The following VWA8 variants were observed in gnomAD, a reference collection of about 807,000 sequenced individuals.
VWA8 encodes von Willebrand factor A domain containing 8.
A neutral mutation model predicts 241.5 loss-of-function variants in VWA8; 221 were observed. The observed-to-expected ratio is 0.91, with a 90% CI of 0.82 to 1.02. The LOEUF is 1.02. Among genes scored for constraint, VWA8 ranks in the 50% least tolerant of loss-of-function variants. The pLI is 0.00. For synonymous variants in VWA8, 852 were observed against 827.1 expected, an observed-to-expected ratio of 1.03 and a Z score of -0.52; for missense variants, 2,322 against 2,328.7, an observed-to-expected ratio of 1.00 and a Z score of 0.06.
intron 8 of VWA8, among the ~76,000 whole-genome samples, chr13:41,885,717 C>G (rs1223615218): frequency 6.6e-6 from 1 of 152,222 alleles, no homozygotes; most frequent in Non-Finnish European, 1.5e-5. Context: ...GCTCCTACTC[C>G]AAAGCTGAAA....
chr13:41,732,292 A>C (rs920437483), intron 21 of VWA8, 137 bp from the exon 22 acceptor site: 2 of 642,672 alleles, frequency 3.1e-6, no homozygotes, highest in Non-Finnish European at 2.6e-6. Context: ...CCAAAAAAAA[A>C]CAGCAAGTGA....
chr13:41,700,940 C>A (rs1259724601), intron 28 of VWA8, among the ~76,000 whole-genome samples: 1 of 152,168 alleles, frequency 6.6e-6, no homozygotes, highest in East Asian at 1.9e-4. Context: ...TAGGTAATGG[C>A]AACAGTCCAG....
chr13:41,921,086 C>T (rs1166702395), intron 2 of VWA8, among the ~76,000 whole-genome samples: 1 of 152,186 alleles, frequency 6.6e-6, no homozygotes, highest in Admixed American at 6.5e-5. Context: ...AGCTTATCCG[C>T]CATGATCAAG....
At chr13:41,579,808 C>G (rs569342473) in intron 42 of VWA8, among the ~76,000 whole-genome samples, 1 of 152,250 alleles carries the variant, frequency 6.6e-6, no homozygotes, top group South Asian at 2.1e-4. Flanking sequence ...GTTGGTTAAA[C>G]CCCAGGTTTT....
intron 12 of VWA8, among the ~76,000 whole-genome samples, chr13:41,833,903 T>A (rs1346720903): frequency 6.6e-6 from 1 of 152,236 alleles, no homozygotes; most frequent in Non-Finnish European, 1.5e-5. Flanking sequence ...ACTTTTATGG[T>A]GACCTAACCA....
intron 39 of VWA8, 49 bp from the exon 40 acceptor site, chr13:41,605,325 T>C: frequency 6.3e-7 from 1 of 1,583,608 alleles, no homozygotes; most frequent in Non-Finnish European, 8.6e-7. Flanking sequence ...CACGTATATG[T>C]GGGTTTTTAC....
At chr13:41,737,281 A>C (rs531266898) in intron 21 of VWA8, among the ~76,000 whole-genome samples, 1 of 152,258 alleles carries the variant, frequency 6.6e-6, no homozygotes, top group Non-Finnish European at 1.5e-5. Context: ...TATCAAGAAC[A>C]TAACTTTCAC....
rs745728716 is a variant in VWA8, at chr13:41,587,615, C to T, written c.5168G>A (p.Gly1723Asp). Reference protein sequence around the residue: ...KRLRLVVDVSGSMYRFNRMDG... With the variant: ...KRLRLVVDVSDSMYRFNRMDG... ...CATCCTGTTGAAACGGTACATGCTACCAGACACATCTACCACCAGGCGCAG... is the reference window on the plus strand; with the variant it reads ...CATCCTGTTGAAACGGTACATGCTATCAGACACATCTACCACCAGGCGCAG... The change falls in exon 42 of 45, where the codon GGT (glycine) becomes GAT (aspartate). Residue 1723 changes from glycine to aspartate, a missense_variant. Transcript: ENST00000379310. The T allele has an allele frequency of 2.5e-6, 4 of 1,614,222 alleles. No individual in the cohort carries two copies. In the East Asian group the frequency reaches 8.9e-5, roughly 36 times the overall value.
intron 42 of VWA8, among the ~76,000 whole-genome samples, chr13:41,582,269 T>C (rs1044389187): frequency 6.6e-6 from 1 of 152,074 alleles, no homozygotes; most frequent in Non-Finnish European, 1.5e-5. Context: ...TAATGTGGAA[T>C]AAAAAATAGA....
At chr13:41,662,146 T>C (rs1031879048) in intron 37 of VWA8, among the ~76,000 whole-genome samples, 1 of 152,204 alleles carries the variant, frequency 6.6e-6, no homozygotes, top group Admixed American at 6.5e-5. Context: ...ATATAAATTT[T>C]AGAGTTGGCT....
intron 2 of VWA8, among the ~76,000 whole-genome samples, chr13:41,937,930 G>A (rs1877424823): frequency 6.6e-6 from 1 of 152,172 alleles, no homozygotes; most frequent in African/African-American, 2.4e-5. Flanking sequence ...GGACAACGAG[G>A]TGGGCAGATC....
At chr13:41,752,165 C>T (rs1245244233) in intron 21 of VWA8, among the ~76,000 whole-genome samples, 1 of 152,152 alleles carries the variant, frequency 6.6e-6, no homozygotes, top group East Asian at 1.9e-4. Flanking sequence ...ACAGTATGAT[C>T]TGGATCACCT....
At position 41,883,439 on chromosome 13, in the gene VWA8, T is replaced by C. The variant is rs759033768; in HGVS notation, c.1028A>G (p.Tyr343Cys). 5.6e-6 allele frequency: 9 copies of C among 1,613,786 alleles called. No individual in the cohort carries two copies. Among genetic ancestry groups the C allele is most frequent in the South Asian group, 4.4e-5 (4 of 91,072 alleles). The change falls in exon 9 of 45, where the codon TAT becomes TGT. Residue 343 changes from tyrosine (Y) to cysteine (C), a missense_variant. By Grantham distance (194) the Tyr-to-Cys change is radical. Transcript: ENST00000379310. The stretch of plus-strand genomic sequence containing the variant: ...CCCTTCATGACCTAGTAAAATACTA[T>C]ATGGATAAAGCCACTGGATTGCATG... ...IKHAIQWLYP[Y>C]SILLGHEGKM...
chr13:41,949,800 T>C (rs1427435382), intron 2 of VWA8, 136 bp downstream of exon 2: 1 of 479,954 alleles, frequency 2.1e-6, no homozygotes. Flanking sequence ...AAGATTGGCA[T>C]AATATTGATA....
At chr13:41,908,549 A>G (rs1216801235) in intron 3 of VWA8, among the ~76,000 whole-genome samples, 3 of 152,030 alleles carry the variant, frequency 2.0e-5, no homozygotes, top group Non-Finnish European at 2.9e-5. Context: ...GGAGAAGTAG[A>G]AGGAGGATTT....
chr13:41,790,528 A>T (rs1869410525), intron 17 of VWA8, among the ~76,000 whole-genome samples: 1 of 152,014 alleles, frequency 6.6e-6, no homozygotes, highest in Non-Finnish European at 1.5e-5. Context: ...GTTAATCTTC[A>T]TTTCTGATTA....
intron 10 of VWA8, among the ~76,000 whole-genome samples, chr13:41,867,563 T>C (rs150901323): frequency 6.6e-6 from 1 of 152,292 alleles, no homozygotes; most frequent in African/African-American, 2.4e-5. Context: ...CTTGCGGGAT[T>C]TAAATCGTGT....
At chr13:41,896,008 C>T (rs1875089517) in intron 4 of VWA8, among the ~76,000 whole-genome samples, 1 of 151,732 alleles carries the variant, frequency 6.6e-6, no homozygotes, top group Admixed American at 6.6e-5. Context: ...CAGGAAAATT[C>T]TGTAAAAGAA....
At chr13:41,851,748 T>C (rs1298387820) in intron 12 of VWA8, among the ~76,000 whole-genome samples, 3 of 152,142 alleles carry the variant, frequency 2.0e-5, no homozygotes, top group Admixed American at 6.5e-5. Context: ...AGTGTGAAAA[T>C]GGATTAATAC....
Sources: allele counts gnomAD v4.1 joint callset (sites outside exome capture counted in the v4.1 genomes callset), GRCh38; gene constraint gnomAD v4.1.1; transcripts MANE v1.5; gene names NCBI Gene and HGNC (gene_info 2026-07-23, HGNC 2026-07-21).